Variants in CNTNAP5 observed in about 807,000 individuals in gnomAD.
The protein encoded by CNTNAP5 is contactin-associated protein-like 5.
A neutral mutation model predicts 150.2 loss-of-function variants in CNTNAP5; 72 were observed. The ratio of observed to expected loss-of-function variants is 0.48; its 90% CI spans 0.40 to 0.58. CNTNAP5 has a LOEUF of 0.58. Among genes scored for constraint, CNTNAP5 ranks in the 20% least tolerant of loss-of-function variants. The pLI is 0.00. For synonymous variants in CNTNAP5, 672 were observed against 619.8 expected (o/e 1.08, Z -1.25); for missense variants, 1,636 against 1,626.2 (o/e 1.01, Z -0.10).
chr2:124,382,737 A>G (rs1690827472), intron 3 of CNTNAP5, among the ~76,000 whole-genome samples: 1 of 152,162 alleles, frequency 6.6e-6, no homozygotes, highest in Non-Finnish European at 1.5e-5. Context: ...CAAGGCACTT[A>G]AAATATTTTC....
intron 1 of CNTNAP5, among the ~76,000 whole-genome samples, chr2:124,135,531 A>G (rs1683955404): frequency 6.6e-6 from 1 of 152,224 alleles, no homozygotes; most frequent in Non-Finnish European, 1.5e-5. Flanking sequence ...GAAAAGGAAC[A>G]GGCAACTCAA....
chr2:124,256,378 G>A (rs1687315412), intron 3 of CNTNAP5, among the ~76,000 whole-genome samples: 1 of 152,068 alleles, frequency 6.6e-6, no homozygotes, highest in Non-Finnish European at 1.5e-5. Context: ...GTAAATTCAG[G>A]AGAGGGCTGG....
At chr2:124,372,641 AAG>A (rs2104728544) in intron 3 of CNTNAP5, among the ~76,000 whole-genome samples, 1 of 152,212 alleles carries the variant, frequency 6.6e-6, no homozygotes, top group East Asian at 1.9e-4. Flanking sequence ...CAAAGAAGTT[AAG>A]TTCCTGAAGC....
chr2:124,705,935 G>C (rs556312167), intron 13 of CNTNAP5, among the ~76,000 whole-genome samples: 1 of 152,192 alleles, frequency 6.6e-6, no homozygotes. Flanking sequence ...AATAACTGTG[G>C]ACATCCACTG....
intron 1 of CNTNAP5, among the ~76,000 whole-genome samples, chr2:124,205,404 T>G (rs1189789532): frequency 6.6e-6 from 1 of 151,888 alleles, no homozygotes; most frequent in Non-Finnish European, 1.5e-5. Context: ...TCAATTAAAG[T>G]TGTTTTCTTT....
chr2:124,605,837 G>GGAAA lies in CNTNAP5; in HGVS notation c.1757-3948_1757-3945dup, dbSNP rs1299859100. On this transcript the variant is annotated intron_variant, in intron 11 of 23. Transcript: ENST00000682447. The stretch of plus-strand genomic sequence containing the variant: ...AAAAAAAAAAAAAAAAAAAAAAGAA[G>GGAAA]GAAAGAAAGAAAGAAAGAATAGAAA... 1.7e-4 allele frequency among the ~76,000 whole-genome samples: 19 copies of GGAAA among 114,554 alleles called. 1 individual carries two copies. The highest frequency in any genetic ancestry group is 1.6e-3 in the Admixed American group (19 of 11,718). 75.2% of individuals were successfully genotyped at this position (114,554 alleles called of 152,430 possible).
chr2:124,260,779 G>A (rs1264666785), intron 3 of CNTNAP5, among the ~76,000 whole-genome samples: 1 of 152,112 alleles, frequency 6.6e-6, no homozygotes, highest in African/African-American at 2.4e-5. Flanking sequence ...CAGAGTAAGA[G>A]CTGTACACTG....
At chr2:124,794,607 A>T (rs1032863464) in intron 18 of CNTNAP5, among the ~76,000 whole-genome samples, 1 of 152,214 alleles carries the variant, frequency 6.6e-6, no homozygotes, top group African/African-American at 2.4e-5. Context: ...GAAATCATTT[A>T]ATACTTATAT....
intron 12 of CNTNAP5, among the ~76,000 whole-genome samples, chr2:124,631,119 G>A (rs944569362): frequency 1.3e-5 from 2 of 152,032 alleles, no homozygotes; most frequent in Non-Finnish European, 2.9e-5. Context: ...TGGATAACAA[G>A]AATCAATATC....
intron 21 of CNTNAP5, among the ~76,000 whole-genome samples, chr2:124,881,525 C>T (rs1037262089): frequency 6.6e-6 from 1 of 152,018 alleles, no homozygotes; most frequent in Non-Finnish European, 1.5e-5. Context: ...GATACCTTAC[C>T]CTCTTCCTTT....
chr2:124,133,845 A>G (rs112213413), intron 1 of CNTNAP5, among the ~76,000 whole-genome samples: 1,843 of 152,320 alleles, frequency 0.012, 30 homozygotes, highest in African/African-American at 0.041. Context: ...ATGGCAAACA[A>G]AAACCCCATA....
intron 6 of CNTNAP5, among the ~76,000 whole-genome samples, chr2:124,460,388 A>G (rs1262562734): frequency 6.6e-6 from 1 of 152,196 alleles, no homozygotes; most frequent in African/African-American, 2.4e-5. Context: ...CAGTTCTTAT[A>G]TTTGTTTTAA....
intron 1 of CNTNAP5, among the ~76,000 whole-genome samples, chr2:124,062,045 CG>C (rs1166392674): frequency 8.1e-6 from 1 of 123,380 alleles, no homozygotes; most frequent in Non-Finnish European, 1.7e-5. Context: ...CCACAGCCTC[CG>C]AGAGGTCTTG....
chr2:124,847,623 G>T (rs1418324954), intron 19 of CNTNAP5, among the ~76,000 whole-genome samples: 2 of 152,152 alleles, frequency 1.3e-5, no homozygotes, highest in Non-Finnish European at 2.9e-5. Context: ...CCTTCAAAGG[G>T]TCTGTGGGTT....
At chr2:124,242,565 C>A (rs1686914561) in intron 3 of CNTNAP5, 172 bp downstream of exon 3, 2 of 599,284 alleles carry the variant, frequency 3.3e-6, no homozygotes, top group Admixed American at 3.1e-5. Flanking sequence ...GTTCTACTTC[C>A]TAGGAAAATT....
At chr2:124,032,067 C>A (rs886181351) in intron 1 of CNTNAP5, among the ~76,000 whole-genome samples, 2 of 152,052 alleles carry the variant, frequency 1.3e-5, no homozygotes, top group Non-Finnish European at 2.9e-5. Context: ...AAAATATAGT[C>A]CATAACCTCA....
chr2:124,489,586 C>T (rs889399852), intron 7 of CNTNAP5, among the ~76,000 whole-genome samples: 1 of 152,154 alleles, frequency 6.6e-6, no homozygotes, highest in African/African-American at 2.4e-5. Flanking sequence ...ACTCTGCAAA[C>T]CATCTAAAGA....
intron 11 of CNTNAP5, among the ~76,000 whole-genome samples, chr2:124,578,626 G>A (rs1696347344): frequency 6.6e-6 from 1 of 152,116 alleles, no homozygotes; most frequent in African/African-American, 2.4e-5. Context: ...AAAAAAATTA[G>A]CCAAGCACGG....
chr2:124,874,659 A>G (rs1677817871), intron 21 of CNTNAP5, among the ~76,000 whole-genome samples: 1 of 152,202 alleles, frequency 6.6e-6, no homozygotes, highest in Non-Finnish European at 1.5e-5. Context: ...TTCTTAAAGA[A>G]GACTTCTTGC....
Sources: allele counts gnomAD v4.1 joint callset (sites outside exome capture counted in the v4.1 genomes callset), GRCh38; gene constraint gnomAD v4.1.1; transcripts MANE v1.5; gene names NCBI Gene and HGNC (gene_info 2026-07-23, HGNC 2026-07-21).